Variants in MIIP observed in about 807,000 individuals in gnomAD.
The protein encoded by MIIP is migration and invasion-inhibitory protein.
Under a neutral mutation model 44.8 loss-of-function variants are expected in MIIP, and 44 were observed. The ratio of observed to expected loss-of-function variants is 0.98; its 90% confidence interval spans 0.77 to 1.26. The LOEUF is 1.26. MIIP is among the 50% of genes most tolerant of loss of function. MIIP has a pLI of 0.00. For synonymous variants in MIIP, 225 were observed against 218.3 expected, an observed-to-expected ratio of 1.03 and a Z score of -0.27; for missense variants, 496 against 511.7, an observed-to-expected ratio of 0.97 and a Z score of 0.30.
rs548786839 is a variant in MIIP, at chr1:12,021,190, C to T, written c.-82-455C>T. 2.1e-4 allele frequency among the ~76,000 whole-genome samples: 32 copies of T among 151,986 alleles called. No homozygotes were observed. The South Asian group carries it at 3.3e-3, about 16-fold the overall frequency. ...CAGGCGGATCACAAGGTCATGAGAT[C>T]GAGACCATCCTGGCTAACACGGTGA... On this transcript the variant is annotated intron_variant, in intron 1 of 9. Coordinates refer to ENST00000235332, the MANE Select transcript of MIIP (RefSeq NM_021933.4).
chr1:12,022,541 A>C (rs960940042), intron 3 of MIIP, 99 bp downstream of exon 3: 38 of 1,028,940 alleles, frequency 3.7e-5, no homozygotes, highest in Non-Finnish European at 4.8e-5. Context: ...TCCCTTGCAG[A>C]ATAAGAGGCT....
chr1:12,029,695 G>T (rs1640187248), intron 6 of MIIP, 70 bp from the exon 7 acceptor site: 3 of 1,571,330 alleles, frequency 1.9e-6, no homozygotes, highest in South Asian at 1.2e-5. Flanking sequence ...GGGCCGCTGA[G>T]GGCAGCACGG....
At position 12,029,734 on chromosome 1, in the gene MIIP, G is replaced by A. The variant is rs752208573; in HGVS notation, c.716-31G>A. The A allele has an allele frequency of 7.5e-6, 12 of 1,595,280 alleles. No individual in the cohort carries two copies. In the African/African-American group the frequency reaches 1.6e-4, roughly 21 times the overall value. On this transcript the variant is annotated intron_variant, in intron 6 of 9. Coordinates refer to ENST00000235332, the MANE Select transcript of MIIP (RefSeq NM_021933.4). ...CTGGGGACCTGGGTTCCTGGCTCAGGGAGAGCTGTGGCTTCTCATGGGCCT... is the reference window on the plus strand; with the variant it reads ...CTGGGGACCTGGGTTCCTGGCTCAGAGAGAGCTGTGGCTTCTCATGGGCCT...
chr1:12,027,756 T>C lies in MIIP; in HGVS notation c.548-1277T>C, dbSNP rs79212248. On this transcript the variant is annotated intron_variant, in intron 4 of 9. Transcript: ENST00000235332. ...TCTTCTCCACATCACCATGAAGTTATTAACCTTCTGTCCGAAATCAAGGTC... is the reference window on the plus strand; with the variant it reads ...TCTTCTCCACATCACCATGAAGTTACTAACCTTCTGTCCGAAATCAAGGTC... Among the ~76,000 whole-genome samples, 984 of 152,330 alleles carry C rather than the reference T, an allele frequency of 6.5e-3. 11 individuals are homozygous for C. Among genetic ancestry groups the C allele is most frequent in the African/African-American group, 0.022 (922 of 41,560 alleles).
At chr1:12,026,103 G>A (rs12406496) in intron 4 of MIIP, among the ~76,000 whole-genome samples, 1 of 151,642 alleles carries the variant, frequency 6.6e-6, no homozygotes, top group Non-Finnish European at 1.5e-5. Flanking sequence ...TCAGGAGTTC[G>A]AGACCAGCCT....
intron 4 of MIIP, among the ~76,000 whole-genome samples, chr1:12,023,381 C>CTTATTTATTTATTTAT (rs71568382): frequency 0.044 from 6,199 of 140,106 alleles, 186 homozygotes; most frequent in Non-Finnish European, 0.062. Context: ...TCTTTGTTTT[C>CTTATTTATTTATTTAT]TTATTTATTT....
rs144703995 is a variant in MIIP, at chr1:12,031,731, A to G, written c.1090A>G (p.Met364Val). The G allele has an allele frequency of 4.1e-4, 655 of 1,614,016 alleles. 2 individuals carry two copies. In the African/African-American group the frequency reaches 7.7e-3, roughly 19 times the overall value. The change falls in exon 10 of 10, where the codon ATG becomes GTG. Residue 364 changes from methionine to valine, a missense_variant. Met to Val is a conservative substitution (Grantham distance 21, BLOSUM62 1). Transcript: ENST00000235332. ...TSSPFHPASP[M>V]QMLPPTPTWS... ...CCTATTCCCCATCCAGGCCTCACCA[A>G]TGCAGATGCTGCCCCCGACCCCGAC...
At chr1:12,020,148 A>C (rs919874691) in intron 1 of MIIP, among the ~76,000 whole-genome samples, 1 of 152,218 alleles carries the variant, frequency 6.6e-6, no homozygotes, top group South Asian at 2.1e-4. Flanking sequence ...CCCTGAACTC[A>C]TGGACCCTGG....
At chr1:12,030,664 A>G (rs1286776860) in intron 8 of MIIP, among the ~76,000 whole-genome samples, 1 of 139,880 alleles carries the variant, frequency 7.1e-6, no homozygotes, top group Non-Finnish European at 1.5e-5. Flanking sequence ...AGTCCCAGCT[A>G]CTTGGGAGGC....
chr1:12,022,196 C>CGTGT lies in MIIP; in HGVS notation c.218_221dup (p.Trp74CysfsTer14), dbSNP rs764979441. On this transcript the variant is annotated frameshift_variant, in exon 3 of 10. Transcript: ENST00000235332. LOFTEE classifies it high-confidence loss of function. ...CCTCCTGCCCACGGGGCCGGTCCTC[C>CGTGT]GTGTGGGGCCCACCAGATGCCTGTC... 3 of 1,613,384 alleles carry CGTGT rather than the reference C, an allele frequency of 1.9e-6. No homozygotes were observed. The East Asian group carries it at 6.7e-5, about 36-fold the overall frequency.
Position 12,022,861 on chromosome 1 carries a change from C to T in MIIP, c.491C>T (p.Ala164Val). The T allele has an allele frequency of 6.2e-7, 1 of 1,609,102 alleles. No homozygotes were observed. Among genetic ancestry groups the T allele is most frequent in the Non-Finnish European group, 8.5e-7 (1 of 1,177,528 alleles). ...AGGGTGACCTTCTCTGAGGAGTCTGCAGTTCCTAAGAGGAGCTGGCGCCTC... is the reference window on the plus strand; with the variant it reads ...AGGGTGACCTTCTCTGAGGAGTCTGTAGTTCCTAAGAGGAGCTGGCGCCTC... ...KPRVTFSEES[A>V]VPKRSWRLRP... The change falls in exon 4 of 10, where the codon GCA (alanine) becomes GTA (valine). Residue 164 changes from alanine to valine, a missense_variant. Physicochemically the swap from Ala to Val is moderately conservative, Grantham distance 64. Transcript: ENST00000235332.
Position 12,031,989 on chromosome 1 carries a change from G to A in MIIP, c.*181G>A. On this transcript the variant is annotated 3_prime_UTR_variant, in exon 10 of 10. Transcript: ENST00000235332. ...TTCCAGAGAGGGAGGACCCTGGGGT[G>A]GAGGGTGAGGGATTCTGTGGAAGTT... The A allele has an allele frequency of 4.9e-6, 3 of 615,852 alleles. No homozygotes were observed. The highest frequency in any genetic ancestry group is 8.6e-6 in the Non-Finnish European group (3 of 349,360). The allele number at this position is 615,852 out of a possible 1,614,324, so 38.1% of individuals were successfully genotyped here.
rs761518298 is a variant in MIIP at position 12,021,749 on chromosome 1, C to T, written c.23C>T (p.Ala8Val). The T allele has an allele frequency of 1.9e-6, 3 of 1,612,972 alleles. No individual in the cohort carries two copies. Among genetic ancestry groups the T allele is most frequent in the Admixed American group, 1.7e-5 (1 of 60,016 alleles). The change falls in exon 2 of 10, where the codon GCA becomes GTA. Residue 8 changes from alanine (A) to valine (V), a missense_variant. Transcript: ENST00000235332. ...AGGATGGTGGAGGCTGAGGAACTGG[C>T]ACAGCTGCGGCTGCTCAATCTGGAG... The part of the protein sequence containing the change: MVEAEEL[A>V]QLRLLNLELL...
At position 12,031,287 on chromosome 1, in the gene MIIP, A is replaced by G. The variant is rs771345164; in HGVS notation, c.964A>G (p.Ile322Val). 3.1e-6 allele frequency: 5 copies of G among 1,613,804 alleles called. No homozygotes were observed. In the South Asian group the frequency reaches 3.3e-5, roughly 11 times the overall value. The change falls in exon 9 of 10, where the codon ATT becomes GTT. Residue 322 changes from isoleucine to valine, a missense_variant. By Grantham distance (29) the Ile-to-Val change is conservative (BLOSUM62 3). Coordinates refer to ENST00000235332, the MANE Select transcript of MIIP (RefSeq NM_021933.4). ...LPRHCLLGWD[I>V]FPPKSEKSSA... is the part of the protein sequence containing the mutation. ...ACAGCACTGCCTGCTGGGCTGGGAC[A>G]TTTTTCCTCCGAAGTCTGAGAAAAG...
In MIIP at chr1:12,019,538, A is replaced by G. The variant is rs2100890202; in HGVS notation, c.-97A>G. 1 of 152,908 alleles carries G rather than the reference A, an allele frequency of 6.5e-6. No homozygotes were observed. The highest frequency in any genetic ancestry group is 6.5e-5 in the Admixed American group (1 of 15,314). The allele number at this position is 152,908 out of a possible 1,614,324, so 9.5% of individuals were successfully genotyped here. On this transcript the variant is annotated 5_prime_UTR_variant, in exon 1 of 10. Transcript: ENST00000235332. ...TGCGGCTGCTACGGCGGCGCATGCT[A>G]GGGGATTCTGCCGGGTGAGTGCTGG...
chr1:12,028,262 C>T (rs1253975763), intron 4 of MIIP, among the ~76,000 whole-genome samples: 1 of 152,106 alleles, frequency 6.6e-6, no homozygotes, highest in African/African-American at 2.4e-5. Context: ...GGGGCTGCCC[C>T]TACCTCTCCC....
chr1:12,021,386 T>A (rs1569912136), intron 1 of MIIP, among the ~76,000 whole-genome samples: 1 of 143,002 alleles, frequency 7.0e-6, no homozygotes, highest in Non-Finnish European at 1.5e-5. Flanking sequence ...AGAGCAAGAC[T>A]CCATCTCAAA....
At chr1:12,020,548 C>T (rs1639948865) in intron 1 of MIIP, among the ~76,000 whole-genome samples, 1 of 152,188 alleles carries the variant, frequency 6.6e-6, no homozygotes, top group Non-Finnish European at 1.5e-5. Context: ...TGCTCTGTCA[C>T]CCAGGCTGGA....
intron 4 of MIIP, 28 bp from the exon 5 acceptor site, chr1:12,029,005 C>T: frequency 6.3e-7 from 1 of 1,583,186 alleles, no homozygotes; most frequent in Non-Finnish European, 8.7e-7. Flanking sequence ...CCTCTCCCGT[C>T]AGCTGCCTGG....
Sources: gnomAD v4.1 joint callset for allele counts (sites outside exome capture counted in the v4.1 genomes callset) on GRCh38, gnomAD v4.1.1 for gene constraint, MANE v1.5 for transcripts, NCBI Gene and HGNC (gene_info 2026-07-23, HGNC 2026-07-21) for gene names.